The following RGCC variants were observed in gnomAD, a reference collection of about 807,000 sequenced individuals.
RGCC encodes regulator of cell cycle, also known as regulator of cell cycle RGCC.
RGCC carries 15 observed loss-of-function variants against 15.4 expected under a neutral mutation model. The ratio of observed to expected loss-of-function variants is 0.97; its 90% confidence interval spans 0.65 to 1.50. RGCC has a LOEUF of 1.50. Ranked by LOEUF, RGCC falls within the 40% of genes most tolerant of loss-of-function variation. The probability of loss-of-function intolerance (pLI) is 0.00; values close to 1 mark genes in which losing one functional copy is unlikely to be tolerated. For synonymous variants in RGCC, 81 were observed against 78.0 expected (o/e 1.04, Z -0.20); for missense variants, 176 against 189.7 (o/e 0.93, Z 0.42).
intron 2 of RGCC, among the ~76,000 whole-genome samples, chr13:41,462,748 G>T (rs1432281866): frequency 6.6e-6 from 1 of 152,232 alleles, no homozygotes; most frequent in Non-Finnish European, 1.5e-5. Context: ...GGAGGGAAAA[G>T]AACAGGATGT....
chr13:41,470,551 A>C lies in RGCC; in HGVS notation c.*66A>C. The C allele has an allele frequency of 6.6e-7, 1 of 1,507,088 alleles. No homozygotes were observed. The highest frequency in any genetic ancestry group is 1.1e-5 in the South Asian group (1 of 88,756). The allele number at this position is 1,507,088 out of a possible 1,614,324, so 93.4% of individuals were successfully genotyped here. On this transcript the variant is annotated 3_prime_UTR_variant, in exon 5 of 5. Transcript: ENST00000379359. Reference sequence around the variant, plus strand: ...TCAGAAAGTTCCGAGGACCTGCTAAAATCAGCTACTAGAATCTGCTGCCAG... The same window carrying C: ...TCAGAAAGTTCCGAGGACCTGCTAACATCAGCTACTAGAATCTGCTGCCAG...
In RGCC at chr13:41,458,896, G is replaced by T. The variant is rs2043807642; in HGVS notation, c.235+426G>T. On this transcript the variant is annotated intron_variant, in intron 2 of 4. Transcript: ENST00000379359. The surrounding 1 kb of genome is among the most constrained non-coding windows in gnomAD (Gnocchi z 4.4). ...CAGAACGGAAATATTCATGAAACCA[G>T]GAAAGGTTTCATAAGCCCAAACTGC... Among the ~76,000 whole-genome samples the T allele has an allele frequency of 6.6e-6, 1 of 152,216 alleles. No homozygotes were observed. The highest frequency in any genetic ancestry group is 2.4e-5 in the African/African-American group (1 of 41,452).
intron 2 of RGCC, among the ~76,000 whole-genome samples, chr13:41,463,950 C>T (rs993695): frequency 6.6e-6 from 1 of 152,020 alleles, no homozygotes; most frequent in Non-Finnish European, 1.5e-5. Flanking sequence ...TCTTTCTCCC[C>T]TGCAGAGGAG....
intron 2 of RGCC, among the ~76,000 whole-genome samples, chr13:41,463,652 T>C (rs779711548): frequency 1.4e-4 from 21 of 152,242 alleles, no homozygotes; most frequent in African/African-American, 3.4e-4. Context: ...AGTTTGTCTG[T>C]ATATTTTCTC....
chr13:41,468,915 C>T, intron 4 of RGCC, 77 bp downstream of exon 4: 2 of 1,126,622 alleles, frequency 1.8e-6, no homozygotes, highest in Non-Finnish European at 2.6e-6. Flanking sequence ...GTAATGTTAA[C>T]CAGCTTGCCC....
At chr13:41,460,355 G>A (rs2043815269) in intron 2 of RGCC, among the ~76,000 whole-genome samples, 2 of 152,224 alleles carry the variant, frequency 1.3e-5, no homozygotes, top group Admixed American at 1.3e-4. Flanking sequence ...TCGTTTGTCT[G>A]TTTAATGCTT....
intron 3 of RGCC, 78 bp downstream of exon 3, chr13:41,467,008 A>T: frequency 1.1e-6 from 1 of 882,958 alleles, no homozygotes; most frequent in Non-Finnish European, 1.9e-6. Flanking sequence ...TGTCCCTTTT[A>T]TCCCTAAACA....
At chr13:41,460,014 CT>C (rs2139573109) in intron 2 of RGCC, among the ~76,000 whole-genome samples, 1 of 152,286 alleles carries the variant, frequency 6.6e-6, no homozygotes, top group East Asian at 1.9e-4. Context: ...TTTCAGATGC[CT>C]TAAAGAGAAG....
At chr13:41,466,304 TTCTC>T (rs1029017351) in intron 2 of RGCC, among the ~76,000 whole-genome samples, 8 of 149,762 alleles carry the variant, frequency 5.3e-5, no homozygotes, top group African/African-American at 1.5e-4. Flanking sequence ...CACACACACT[TTCTC>T]TCTCACACAC....
At chr13:41,466,139 C>T (rs2043846337) in intron 2 of RGCC, among the ~76,000 whole-genome samples, 1 of 150,050 alleles carries the variant, frequency 6.7e-6, no homozygotes, top group Non-Finnish European at 1.5e-5. Context: ...TTCTCACACA[C>T]ACTCCACACT....
In RGCC at chr13:41,457,982, G is replaced by A. The variant is rs1015639822; in HGVS notation, c.49+226G>A. ...CCAGCTCCGCGCGCGCCCGGGGTTG[G>A]GGGGAGCGGCGGGGACAGGTAACCG... On this transcript the variant is annotated intron_variant, in intron 1 of 4. Transcript: ENST00000379359. The surrounding 1 kb of genome is among the most constrained non-coding windows in gnomAD (Gnocchi z 4.9). Among the ~76,000 whole-genome samples the A allele has an allele frequency of 2.0e-5, 3 of 151,938 alleles. No homozygotes were observed. Among genetic ancestry groups the A allele is most frequent in the Admixed American group, 6.5e-5 (1 of 15,276 alleles).
rs138100378 is a variant in RGCC at position 41,467,524 on chromosome 13, A to G, written c.343+594A>G. 6.5e-3 allele frequency among the ~76,000 whole-genome samples: 997 copies of G among 152,372 alleles called. 12 individuals carry two copies. The highest frequency in any genetic ancestry group is 0.023 in the African/African-American group (966 of 41,580). ...ACTGGTAAAATGTCTCCAGCTAGAG[A>G]GTTGAATGTTCTGTTACATTGGACA... On this transcript the variant is annotated intron_variant, in intron 3 of 4. Coordinates refer to ENST00000379359, the MANE Select transcript of RGCC (RefSeq NM_014059.3).
chr13:41,465,939 A>T (rs1320632947), intron 2 of RGCC, among the ~76,000 whole-genome samples: 4 of 152,014 alleles, frequency 2.6e-5, no homozygotes, highest in Non-Finnish European at 5.9e-5. Context: ...ACTTGAGATG[A>T]TTCCTTTTGC....
intron 4 of RGCC, among the ~76,000 whole-genome samples, chr13:41,470,152 C>T (rs563893676): frequency 3.1e-4 from 47 of 152,228 alleles, no homozygotes; most frequent in African/African-American, 1.1e-3. Context: ...GATAGAAAGT[C>T]CTTGTATCAT....
At chr13:41,462,209 G>T (rs1037054013) in intron 2 of RGCC, among the ~76,000 whole-genome samples, 2 of 151,980 alleles carry the variant, frequency 1.3e-5, no homozygotes, top group African/African-American at 2.4e-5. Context: ...AGGAGCCTTG[G>T]GTAAGGTTTA....
In RGCC at chr13:41,457,735, C is replaced by CCCGCGGCCG. The variant is rs978459576; in HGVS notation, c.39_47dup (p.Ala15_Ala17dup). 2.1e-6 allele frequency: 3 copies of CCCGCGGCCG among 1,407,462 alleles called. No homozygotes were observed. Among genetic ancestry groups the CCCGCGGCCG allele is most frequent in the African/African-American group, 1.5e-5 (1 of 65,216 alleles). 87.2% of individuals were successfully genotyped at this position (1,407,462 alleles called of 1,614,324 possible). A position where few individuals can be genotyped will look rare whatever the true frequency, so the allele number is the denominator to read the frequency against. On this transcript the variant is annotated inframe_insertion, in exon 1 of 5. Coordinates refer to ENST00000379359, the MANE Select transcript of RGCC (RefSeq NM_014059.3). The surrounding 1 kb of genome is among the most constrained non-coding windows in gnomAD (Gnocchi z 4.9). The stretch of plus-strand genomic sequence containing the variant: ...GAAGCCGCCCGCGGCGCAGGGCAGC[C>CCCGCGGCCG]CCGCGGCCGCCGCGGCCGCAGGTGA...
intron 4 of RGCC, among the ~76,000 whole-genome samples, chr13:41,469,763 T>C (rs960333079): frequency 6.6e-6 from 1 of 152,192 alleles, no homozygotes; most frequent in African/African-American, 2.4e-5. Flanking sequence ...TTACCTGTTT[T>C]GTGTGACCAA....
chr13:41,467,863 C>T (rs1188050354), intron 3 of RGCC, among the ~76,000 whole-genome samples: 2 of 152,142 alleles, frequency 1.3e-5, no homozygotes, highest in Non-Finnish European at 2.9e-5. Flanking sequence ...GATTTGTTAC[C>T]TGATCCTCAA....
intron 3 of RGCC, 106 bp from the exon 4 acceptor site, chr13:41,468,668 ACT>A (rs2043859607): frequency 1.3e-6 from 1 of 779,378 alleles, no homozygotes; most frequent in East Asian, 2.6e-5. Flanking sequence ...CCATTCTATA[ACT>A]CTGGAAGTTC....
Sources: allele counts gnomAD v4.1 joint callset (sites outside exome capture counted in the v4.1 genomes callset), GRCh38; gene constraint gnomAD v4.1.1; non-coding constraint Gnocchi (gnomAD v3.1); transcripts MANE v1.5; gene names NCBI Gene and HGNC (gene_info 2026-07-23, HGNC 2026-07-21).